The following WDR43 variants were observed in gnomAD, a reference collection of about 807,000 sequenced individuals.
WDR43 encodes the protein WD repeat-containing protein 43.
WDR43 carries 13 observed loss-of-function variants against 91.4 expected under a neutral mutation model. The observed-to-expected ratio is 0.14, with a 90% CI of 0.09 to 0.23. The LOEUF (loss-of-function observed/expected upper bound fraction) is 0.23. WDR43 is among the 10% of genes least tolerant of loss of function. The probability of loss-of-function intolerance (pLI) is 1.00; values close to 1 mark genes in which losing one functional copy is unlikely to be tolerated. For missense variants in WDR43, 780 were observed against 809.4 expected (o/e 0.96, Z 0.44); for synonymous variants, 331 against 287.9 (o/e 1.15, Z -1.51).
chr2:28,895,021 C>T (rs1336156010), intron 1 of WDR43, 98 bp downstream of exon 1: 13 of 1,256,694 alleles, frequency 1.0e-5, no homozygotes, highest in Non-Finnish European at 1.1e-5. Context: ...GCGTGGCTCT[C>T]AGCGGCCCGG....
At chr2:28,895,024 C>T (rs1041823833) in intron 1 of WDR43, 101 bp downstream of exon 1, 57 of 1,223,158 alleles carry the variant, frequency 4.7e-5, no homozygotes, top group East Asian at 6.3e-5. Context: ...TGGCTCTCAG[C>T]GGCCCGGGCC....
chr2:28,928,926 C>A (rs937029400), intron 10 of WDR43, among the ~76,000 whole-genome samples: 1 of 152,188 alleles, frequency 6.6e-6, no homozygotes, highest in Admixed American at 6.5e-5. Flanking sequence ...CCGCCTGCCT[C>A]AGCCTCCCAG....
rs868118880 is a variant in WDR43, at chr2:28,899,993, T to G, written c.226-1994T>G. On this transcript the variant is annotated intron_variant, in intron 1 of 17. Transcript: ENST00000407426. ...TACAGAGATTTGCAGATGCAGAAATTAAGGCTTTGACTATGTTATGCTTGA... is the reference window on the plus strand; with the variant it reads ...TACAGAGATTTGCAGATGCAGAAATGAAGGCTTTGACTATGTTATGCTTGA... 4.8e-4 allele frequency among the ~76,000 whole-genome samples: 73 copies of G among 152,270 alleles called. 2 individuals carry two copies. The highest frequency in any genetic ancestry group is 1.7e-3 in the African/African-American group (70 of 41,546).
At chr2:28,939,115 G>A (rs1671390130) in intron 14 of WDR43, among the ~76,000 whole-genome samples, 1 of 126,912 alleles carries the variant, frequency 7.9e-6, no homozygotes, top group African/African-American at 3.0e-5. Flanking sequence ...TGACCTGGGA[G>A]CACTGGTGAG....
intron 16 of WDR43, among the ~76,000 whole-genome samples, chr2:28,944,313 TG>T (rs1671502335): frequency 6.6e-6 from 1 of 152,134 alleles, no homozygotes; most frequent in Non-Finnish European, 1.5e-5. Context: ...TAACATGTAA[TG>T]GATGGGCATT....
At chr2:28,906,814 A>G (rs1038540836) in intron 3 of WDR43, among the ~76,000 whole-genome samples, 3 of 152,222 alleles carry the variant, frequency 2.0e-5, no homozygotes, top group African/African-American at 2.4e-5. Context: ...GCATGTGACT[A>G]TTTGTCAGCC....
chr2:28,923,502 T>C (rs1313642300), intron 7 of WDR43, among the ~76,000 whole-genome samples: 1 of 152,226 alleles, frequency 6.6e-6, no homozygotes, highest in East Asian at 1.9e-4. Flanking sequence ...GTCATTATAC[T>C]GTAAACATGG....
In WDR43 at chr2:28,894,847, A is replaced by T; in HGVS notation, c.149A>T (p.Gln50Leu). Residue 50 changes from glutamine to leucine, a missense_variant, in exon 1 of 18, where the codon CAG becomes CTG. By Grantham distance (113) the Gln-to-Leu change is moderately radical. Around this residue, in one of 4 missense-constraint regions of WDR43, gnomAD observed 175 missense variants for 113.8 expected, o/e 1.54. Coordinates refer to ENST00000407426, the MANE Select transcript of WDR43 (RefSeq NM_015131.3). ...VWETANNRLH[Q>L]EYVPSAHLSG... ...GAGACGGCCAACAACCGGCTGCACC[A>T]GGAGTACGTGCCTTCCGCGCACCTC... 1.9e-6 allele frequency: 3 copies of T among 1,611,060 alleles called. No individual in the cohort carries two copies. Among genetic ancestry groups the T allele is most frequent in the Non-Finnish European group, 2.5e-6 (3 of 1,178,786 alleles).
intron 1 of WDR43, among the ~76,000 whole-genome samples, chr2:28,901,011 G>C (rs1670569989): frequency 6.6e-6 from 1 of 152,164 alleles, no homozygotes; most frequent in Non-Finnish European, 1.5e-5. Context: ...GGTTTTTCTT[G>C]AATTAAGACA....
chr2:28,909,446 T>C (rs937620666), intron 3 of WDR43, among the ~76,000 whole-genome samples: 3 of 152,206 alleles, frequency 2.0e-5, no homozygotes, highest in Non-Finnish European at 2.9e-5. Context: ...AATTATCTTC[T>C]TTTGTTCCTT....
intron 6 of WDR43, among the ~76,000 whole-genome samples, chr2:28,919,771 G>A (rs1670986088): frequency 6.6e-6 from 1 of 152,186 alleles, no homozygotes; most frequent in Non-Finnish European, 1.5e-5. Flanking sequence ...TCACTATTCT[G>A]ATAATTGGAT....
chr2:28,932,515 C>G (rs191052173), intron 11 of WDR43, among the ~76,000 whole-genome samples: 6 of 152,076 alleles, frequency 3.9e-5, no homozygotes, highest in Non-Finnish European at 8.8e-5. Context: ...TAATGTATTA[C>G]CTAGGAGATT....
intron 3 of WDR43, among the ~76,000 whole-genome samples, chr2:28,908,682 T>C (rs1256861290): frequency 1.3e-5 from 2 of 152,218 alleles, no homozygotes; most frequent in African/African-American, 4.8e-5. Context: ...CTGTGTTGTC[T>C]CATAATTTCA....
chr2:28,925,853 G>T (rs967961673), intron 8 of WDR43, among the ~76,000 whole-genome samples: 1 of 152,172 alleles, frequency 6.6e-6, no homozygotes, highest in Admixed American at 6.5e-5. Flanking sequence ...CTTGCCATAT[G>T]TGAATTCCAT....
At chr2:28,905,137 A>G (rs976810602) in intron 2 of WDR43, 2 of 152,154 alleles carry the variant, frequency 1.3e-5, no homozygotes. Context: ...ATGAGGGGAG[A>G]CAGGAATGGG....
At chr2:28,909,929 G>A (rs1442760413) in intron 3 of WDR43, among the ~76,000 whole-genome samples, 1 of 152,158 alleles carries the variant, frequency 6.6e-6, no homozygotes, top group Non-Finnish European at 1.5e-5. Flanking sequence ...TTCAATTGTT[G>A]TGCTTCATTT....
rs565763531 is a variant in WDR43 at position 28,924,532 on chromosome 2, GGAA to G, written c.915-446_915-444del. On this transcript the variant is annotated intron_variant, in intron 7 of 17. Transcript: ENST00000407426. ...TGCTGCAGGGACAAGCCAGGGTAGA[GGAA>G]GAATGTGAAGAGAGCCCCTAGAGAA... Among the ~76,000 whole-genome samples, 16 of 152,262 alleles carry G rather than the reference GGAA, an allele frequency of 1.1e-4. No individual in the cohort carries two copies. In the East Asian group the frequency reaches 3.1e-3, roughly 29 times the overall value.
At chr2:28,939,602 T>C (rs1000235934) in intron 14 of WDR43, among the ~76,000 whole-genome samples, 6 of 152,196 alleles carry the variant, frequency 3.9e-5, no homozygotes, top group African/African-American at 1.4e-4. Context: ...GGCATGGGGA[T>C]TCAGCAATGT....
chr2:28,912,278 A>C (rs1476195680), intron 3 of WDR43, among the ~76,000 whole-genome samples: 1 of 152,174 alleles, frequency 6.6e-6, no homozygotes, highest in African/African-American at 2.4e-5. Flanking sequence ...CTCCTGGGTC[A>C]CAGGATGTAC....
Sources: allele counts gnomAD v4.1 joint callset (sites outside exome capture counted in the v4.1 genomes callset), GRCh38; gene constraint gnomAD v4.1.1; regional missense constraint gnomAD v4.1.1; transcripts MANE v1.5; gene names NCBI Gene and HGNC (gene_info 2026-07-23, HGNC 2026-07-21).